HS1BP3: variants seen among roughly 807,000 people sequenced by gnomAD.
HS1BP3 encodes HCLS1-binding protein 3.
HS1BP3 carries 32 observed loss-of-function variants against 33.5 expected under a neutral mutation model. That is an observed-to-expected ratio of 0.95 (90% CI 0.72 to 1.28). The LOEUF is 1.28. HS1BP3 is among the 50% of genes most tolerant of loss of function. The probability of loss-of-function intolerance (pLI) is 0.00; values close to 1 mark genes in which losing one functional copy is unlikely to be tolerated. For synonymous variants in HS1BP3, 187 were observed against 209.2 expected (o/e 0.89, Z 0.92); for missense variants, 486 against 502.3 (o/e 0.97, Z 0.31).
At chr2:20,629,303 C>T (rs983609847) in intron 4 of HS1BP3, among the ~76,000 whole-genome samples, 11 of 152,204 alleles carry the variant, frequency 7.2e-5, no homozygotes, top group African/African-American at 1.2e-4. Context: ...CCTCTCCTCC[C>T]TGGTCCTCCT....
At chr2:20,624,302 C>T (rs1313984251) in intron 5 of HS1BP3, among the ~76,000 whole-genome samples, 1 of 152,164 alleles carries the variant, frequency 6.6e-6, no homozygotes, top group Non-Finnish European at 1.5e-5. Context: ...AGTGAGGGCT[C>T]ACCAAGTATG....
At chr2:20,581,014 A>G (rs746023923) in intron 5 of HS1BP3, among the ~76,000 whole-genome samples, 5 of 152,136 alleles carry the variant, frequency 3.3e-5, no homozygotes, top group Admixed American at 6.5e-5. Flanking sequence ...TCAGGCATGC[A>G]CTCCAGGCAA....
intron 5 of HS1BP3, among the ~76,000 whole-genome samples, chr2:20,566,560 T>C (rs12328978): frequency 0.039 from 5,983 of 151,786 alleles, 392 homozygotes; most frequent in African/African-American, 0.14. Flanking sequence ...TTGGCTGCAG[T>C]GACAGGCAGC....
chr2:20,559,322 G>A (rs549311270), downstream of HS1BP3, among the ~76,000 whole-genome samples: 25 of 152,358 alleles, frequency 1.6e-4, no homozygotes, highest in Admixed American at 4.6e-4. Flanking sequence ...TCTGACTCCC[G>A]CTGTCACTGC....
chr2:20,562,937 C>G (rs1278099769), intron 5 of HS1BP3, among the ~76,000 whole-genome samples: 1 of 152,228 alleles, frequency 6.6e-6, no homozygotes, highest in African/African-American at 2.4e-5. Flanking sequence ...CCCTCTCCAC[C>G]AACCTCCCCG....
intron 2 of HS1BP3, among the ~76,000 whole-genome samples, chr2:20,603,846 A>G (rs948391733): frequency 6.6e-6 from 1 of 152,198 alleles, no homozygotes; most frequent in African/African-American, 2.4e-5. Context: ...CCCTCCAGAG[A>G]TGGGTTCTAA....
downstream of HS1BP3, among the ~76,000 whole-genome samples, chr2:20,613,459 C>T (rs1033354167): frequency 6.6e-5 from 10 of 152,190 alleles, no homozygotes; most frequent in African/African-American, 2.4e-4. Context: ...CAGTGCTGGT[C>T]CAGCCAGGGA....
At chr2:20,572,069 G>A (rs1693287545) in intron 5 of HS1BP3, among the ~76,000 whole-genome samples, 1 of 152,226 alleles carries the variant, frequency 6.6e-6, no homozygotes, top group African/African-American at 2.4e-5. Flanking sequence ...CTGAGACTGA[G>A]GCTTTTGGTT....
chr2:20,633,944 C>T (rs1426763123), intron 4 of HS1BP3, among the ~76,000 whole-genome samples: 2 of 152,390 alleles, frequency 1.3e-5, no homozygotes, highest in Admixed American at 1.3e-4. Flanking sequence ...CACCTGCCTC[C>T]TCCTTTCCTT....
chr2:20,618,895 G>C lies in HS1BP3; in HGVS notation c.*92C>G, dbSNP rs539179783. On this transcript the variant is annotated 3_prime_UTR_variant, in exon 7 of 7. Transcript: ENST00000304031. The stretch of plus-strand genomic sequence containing the variant: ...TTCTGCCTGGCCTCCCCTGGGGGTG[G>C]GGAGGTTCTGACCCTGCAGGGCCCA... 1.7e-5 allele frequency: 25 copies of C among 1,481,304 alleles called. No individual in the cohort carries two copies. In the South Asian group the frequency reaches 2.1e-4, roughly 12 times the overall value. 91.8% of individuals were successfully genotyped at this position (1,481,304 alleles called of 1,614,324 possible).
chr2:20,625,034 G>C, intron 4 of HS1BP3, 142 bp from the exon 5 acceptor site: 1 of 986,960 alleles, frequency 1.0e-6, no homozygotes, highest in Non-Finnish European at 1.5e-6. Context: ...AGGGACCAGG[G>C]AAGTCCTGGA....
chr2:20,622,281 A>G (rs1185726345), intron 6 of HS1BP3: 9 of 1,304,650 alleles, frequency 6.9e-6, no homozygotes, highest in Non-Finnish European at 9.1e-6. Context: ...CCTGCTCTCA[A>G]GAAGCTAATC....
chr2:20,590,628 G>A (rs1460057436), downstream of HS1BP3: 1 of 152,454 alleles, frequency 6.6e-6, no homozygotes, highest in Non-Finnish European at 1.5e-5. Flanking sequence ...AGGCAGAGCT[G>A]GACGTGTGGG....
chr2:20,585,134 G>A (rs1476589689), intron 5 of HS1BP3, among the ~76,000 whole-genome samples: 1 of 152,034 alleles, frequency 6.6e-6, no homozygotes. Context: ...CGTGGCTGAG[G>A]AGCTCAGCCC....
chr2:20,642,960 C>T (rs777069774), intron 2 of HS1BP3, among the ~76,000 whole-genome samples: 1 of 152,216 alleles, frequency 6.6e-6, no homozygotes, highest in African/African-American at 2.4e-5. Context: ...CCCCCTCCTG[C>T]GGCTGTTTTA....
intron 1 of HS1BP3, among the ~76,000 whole-genome samples, chr2:20,646,897 G>A (rs1695536599): frequency 6.6e-6 from 1 of 152,186 alleles, no homozygotes; most frequent in African/African-American, 2.4e-5. Context: ...TAAAATACAG[G>A]GAAACAGACC....
chr2:20,559,903 A>G (rs1692948707), downstream of HS1BP3, among the ~76,000 whole-genome samples: 1 of 152,216 alleles, frequency 6.6e-6, no homozygotes, highest in Non-Finnish European at 1.5e-5. Flanking sequence ...TATGCTGTGA[A>G]TAAGCTCCTG....
chr2:20,606,534 G>T, intron 2 of HS1BP3: 1 of 479,590 alleles, frequency 2.1e-6, no homozygotes, highest in South Asian at 1.6e-5. Context: ...GGCTTGTCCC[G>T]AACTATGTCT....
chr2:20,600,163 G>A (rs183674541), intron 2 of HS1BP3, among the ~76,000 whole-genome samples: 6 of 152,228 alleles, frequency 3.9e-5, no homozygotes, highest in Middle Eastern at 6.8e-3. Context: ...TTCTTGCCAC[G>A]CTTGGGAATG....
Sources: allele counts gnomAD v4.1 joint callset (sites outside exome capture counted in the v4.1 genomes callset), GRCh38; gene constraint gnomAD v4.1.1; transcripts MANE v1.5; gene names NCBI Gene and HGNC (gene_info 2026-07-23, HGNC 2026-07-21).